Variants in RBBP4 observed in about 807,000 individuals in gnomAD.
The protein encoded by RBBP4 is histone-binding protein RBBP4.
RBBP4 carries 3 observed loss-of-function variants against 57.2 expected under a neutral mutation model. That is an observed-to-expected ratio of 0.05 (90% confidence interval 0.02 to 0.14). RBBP4 has a LOEUF of 0.14. RBBP4 is among the 10% of genes least tolerant of loss of function. RBBP4 has a pLI of 1.00. For missense variants in RBBP4, 107 were observed against 520.6 expected, an observed-to-expected ratio of 0.21 and a Z score of 7.73; for synonymous variants, 151 against 171.5, an observed-to-expected ratio of 0.88 and a Z score of 0.93.
intron 3 of RBBP4, among the ~76,000 whole-genome samples, chr1:32,661,912 A>T (rs1380051854): frequency 3.4e-5 from 2 of 59,038 alleles, no homozygotes; most frequent in African/African-American, 7.6e-5. Flanking sequence ...TTTTTGAGAC[A>T]GTCTTGCTCT....
chr1:32,665,553 C>T (rs1209322322), intron 3 of RBBP4, among the ~76,000 whole-genome samples: 1 of 151,898 alleles, frequency 6.6e-6, no homozygotes. Context: ...TGGCACATGG[C>T]TGCAGTCCCA....
At chr1:32,668,555 A>T (rs1358986983) in intron 4 of RBBP4, 157 bp downstream of exon 4, 4 of 958,736 alleles carry the variant, frequency 4.2e-6, no homozygotes, top group Non-Finnish European at 4.6e-6. Flanking sequence ...CCATGAAAAA[A>T]TAATGCTTTT....
chr1:32,657,230 C>T (rs575757325), intron 2 of RBBP4, among the ~76,000 whole-genome samples, 197 bp from the exon 3 acceptor site: 1 of 152,056 alleles, frequency 6.6e-6, no homozygotes, highest in Admixed American at 6.6e-5. Flanking sequence ...GAGCCAAGAT[C>T]GCACCACTCC....
chr1:32,669,025 T>C lies in RBBP4; in HGVS notation c.654T>C (p.Asp218=), dbSNP rs780300213. ...TTCCAAAGGAGGGAAAAGTGGTAGA[T>C]GCGAAGACCATCTTTACAGGGCATA... ...SAVPKEGKVV[D]AKTIFTGHTA... The change falls in exon 6 of 12, where the codon GAT becomes GAC. Residue 218 remains aspartate, a synonymous_variant. Coordinates refer to ENST00000373493, the MANE Select transcript of RBBP4 (RefSeq NM_005610.3). This position sits in a 1 kb window ranked among gnomAD's most constrained non-coding sequence, Gnocchi z 4.9. 3.7e-6 allele frequency: 6 copies of C among 1,613,948 alleles called. No homozygotes were observed. In the Admixed American group the frequency reaches 5.0e-5, roughly 13 times the overall value.
At chr1:32,668,449 G>T in intron 4 of RBBP4, 51 bp downstream of exon 4, 1 of 1,481,174 alleles carries the variant, frequency 6.8e-7, no homozygotes, top group South Asian at 1.2e-5. Context: ...AGAAATACAT[G>T]GTTCCACTCA....
intron 1 of RBBP4, chr1:32,651,571 A>C: frequency 9.4e-7 from 1 of 1,065,222 alleles, no homozygotes; most frequent in Non-Finnish European, 1.3e-6. Flanking sequence ...TGCCTCCGAT[A>C]TCGGTTTCTC....
At chr1:32,660,643 ACT>A (rs1373969050) in intron 3 of RBBP4, among the ~76,000 whole-genome samples, 1 of 150,636 alleles carries the variant, frequency 6.6e-6, no homozygotes, top group Non-Finnish European at 1.5e-5. Flanking sequence ...CTGATCTGGA[ACT>A]CTGGCCTCAA....
At position 32,669,648 on chromosome 1, in the gene RBBP4, T is replaced by C; in HGVS notation, c.966+85T>C. The C allele has an allele frequency of 2.7e-6, 4 of 1,496,666 alleles. No homozygotes were observed. Among genetic ancestry groups the C allele is most frequent in the Non-Finnish European group, 3.6e-6 (4 of 1,124,564 alleles). 92.7% of individuals were successfully genotyped at this position (1,496,666 alleles called of 1,614,324 possible). Reference sequence around the variant, plus strand: ...GCTCACGCCTGTAATCCCAGCACTTTGGGAGGCTGAAGCGGGCGGATCACA... The same window carrying C: ...GCTCACGCCTGTAATCCCAGCACTTCGGGAGGCTGAAGCGGGCGGATCACA... On this transcript the variant is annotated intron_variant, in intron 8 of 11. Coordinates refer to ENST00000373493, the MANE Select transcript of RBBP4 (RefSeq NM_005610.3). The surrounding 1 kb of genome is among the most constrained non-coding windows in gnomAD (Gnocchi z 4.9).
chr1:32,678,567 CTTTTTTTTTTTTTTTTTTTTTTTTTTT>C (rs558897341), intron 11 of RBBP4, among the ~76,000 whole-genome samples: 6 of 43,620 alleles, frequency 1.4e-4, no homozygotes, highest in Admixed American at 1.1e-3. Flanking sequence ...TATGTGACAG[CTTTTTTTTTTTTTTTTTTTTTTTTTTT>C]TTTTTTTTTT....
Position 32,669,251 on chromosome 1 carries a change from A to G in RBBP4, c.782A>G (p.Asn261Ser), listed in dbSNP as rs547545024. 3.1e-6 allele frequency: 5 copies of G among 1,612,978 alleles called. No individual in the cohort carries two copies. The highest frequency in any genetic ancestry group is 1.7e-5 in the Admixed American group (1 of 59,944). ...KLMIWDTRSN[N>S]TSKPSHSVDA... ...TGAAGTTGGGATACTCGTTCAAACA[A>G]TACTTCCAAACCAAGCCACTCAGTT... The change falls in exon 7 of 12, where the codon AAT becomes AGT. Residue 261 changes from asparagine (N) to serine (S), a missense_variant. By Grantham distance (46) the Asn-to-Ser change is conservative. Transcript: ENST00000373493. The surrounding 1 kb of genome is among the most constrained non-coding windows in gnomAD (Gnocchi z 4.9).
At position 32,671,204 on chromosome 1, in the gene RBBP4, T is replaced by C. The variant is rs539172664; in HGVS notation, c.967-1246T>C. On this transcript the variant is annotated intron_variant, in intron 8 of 11. Coordinates refer to ENST00000373493, the MANE Select transcript of RBBP4 (RefSeq NM_005610.3). ...AACTCATAGTAAATACTTGGGGACA[T>C]AGTTATTGTATATGTCATCTGTACT... Among the ~76,000 whole-genome samples, 7 of 152,314 alleles carry C rather than the reference T, an allele frequency of 4.6e-5. No homozygotes were observed. In the South Asian group the frequency reaches 1.0e-3, roughly 23 times the overall value.
At chr1:32,674,731 AT>A (rs554173834) in intron 11 of RBBP4, among the ~76,000 whole-genome samples, 49 of 143,612 alleles carry the variant, frequency 3.4e-4, no homozygotes, top group Middle Eastern at 3.6e-3. Context: ...TTTTTTTTTA[AT>A]TTTTTTTTTT....
At position 32,684,066 on chromosome 1, in the gene RBBP4, A is replaced by C. The variant is rs769743641; in HGVS notation, c.*4361A>C. 1.9e-6 allele frequency: 3 copies of C among 1,614,128 alleles called. No homozygotes were observed. Among genetic ancestry groups the C allele is most frequent in the Non-Finnish European group, 2.5e-6 (3 of 1,180,038 alleles). On this transcript the variant is annotated 3_prime_UTR_variant, in exon 12 of 12. Transcript: ENST00000373493. ...AGAAGTGGGAGCATCAGCCTGTTCCAGGCTCTTGGGTAGTAGCATAGCCCT... is the reference window on the plus strand; with the variant it reads ...AGAAGTGGGAGCATCAGCCTGTTCCCGGCTCTTGGGTAGTAGCATAGCCCT...
chr1:32,677,015 A>G (rs1649131632), intron 11 of RBBP4, among the ~76,000 whole-genome samples: 1 of 152,178 alleles, frequency 6.6e-6, no homozygotes, highest in Non-Finnish European at 1.5e-5. Context: ...CCAAGTTGTT[A>G]CTTTATTTGG....
At position 32,661,976 on chromosome 1, in the gene RBBP4, C is replaced by A. The variant is rs612418; in HGVS notation, c.310+4404C>A. On this transcript the variant is annotated intron_variant, in intron 3 of 11. Transcript: ENST00000373493. ...TCTCGGCTCACTGCAACTTCCGCCT[C>A]TTGGGTTCAAGCGATTCTCCTGCCT... 4.7e-5 allele frequency among the ~76,000 whole-genome samples: 6 copies of A among 128,652 alleles called. No homozygotes were observed. In the Admixed American group the frequency reaches 5.6e-4, roughly 12 times the overall value. 84.4% of individuals were successfully genotyped at this position (128,652 alleles called of 152,430 possible).
intron 1 of RBBP4, 59 bp downstream of exon 1, chr1:32,651,381 C>G: frequency 2.1e-6 from 3 of 1,402,566 alleles, no homozygotes; most frequent in South Asian, 1.6e-5. Flanking sequence ...GCCGCGGCCT[C>G]GACATGGCCT....
intron 2 of RBBP4, among the ~76,000 whole-genome samples, 186 bp from the exon 3 acceptor site, chr1:32,657,241 A>G (rs1648184067): frequency 6.6e-6 from 1 of 152,204 alleles, no homozygotes; most frequent in African/African-American, 2.4e-5. Context: ...GCACCACTCC[A>G]TTCTAGCCTG....
chr1:32,674,233 T>C (rs929655216), intron 11 of RBBP4, among the ~76,000 whole-genome samples: 16 of 152,182 alleles, frequency 1.1e-4, no homozygotes, highest in Non-Finnish European at 1.9e-4. Context: ...GTATGGAGTT[T>C]GCGACAATTT....
rs1472557566 is a variant in RBBP4, at chr1:32,669,706, C to T, written c.966+143C>T. ...GAGATCGAGACCATCCTGGCTAACACGGTGAAACCCTGTCTCTACTAAAAA... is the reference window on the plus strand; with the variant it reads ...GAGATCGAGACCATCCTGGCTAACATGGTGAAACCCTGTCTCTACTAAAAA... On this transcript the variant is annotated intron_variant, in intron 8 of 11. Coordinates refer to ENST00000373493, the MANE Select transcript of RBBP4 (RefSeq NM_005610.3). This position sits in a 1 kb window ranked among gnomAD's most constrained non-coding sequence, Gnocchi z 4.9. The T allele has an allele frequency of 1.7e-5, 22 of 1,294,560 alleles. No individual in the cohort carries two copies. Among genetic ancestry groups the T allele is most frequent in the Non-Finnish European group, 2.1e-5 (21 of 1,006,050 alleles). The allele number at this position is 1,294,560 out of a possible 1,614,324, so 80.2% of individuals were successfully genotyped here.
Sources: allele counts gnomAD v4.1 joint callset (sites outside exome capture counted in the v4.1 genomes callset), GRCh38; gene constraint gnomAD v4.1.1; non-coding constraint Gnocchi (gnomAD v3.1); transcripts MANE v1.5; gene names NCBI Gene and HGNC (gene_info 2026-07-23, HGNC 2026-07-21).